PTCD2: variants seen among roughly 807,000 people sequenced by gnomAD.
The protein encoded by PTCD2 is pentatricopeptide repeat-containing protein 2, mitochondrial.
A neutral mutation model predicts 42.6 loss-of-function variants in PTCD2; 31 were observed. That is an observed-to-expected ratio of 0.73 (90% CI 0.55 to 0.98). The LOEUF (loss-of-function observed/expected upper bound fraction) is 0.98, where lower values mean the gene tolerates loss of function less well. PTCD2 is among the 50% of genes least tolerant of loss of function. PTCD2 has a pLI of 0.00. For synonymous variants in PTCD2, 183 were observed against 170.9 expected (o/e 1.07, Z -0.55); for missense variants, 476 against 454.8 (o/e 1.05, Z -0.42).
At chr5:72,343,372 C>A (rs1198146731) in intron 8 of PTCD2, among the ~76,000 whole-genome samples, 3 of 152,196 alleles carry the variant, frequency 2.0e-5, no homozygotes, top group Admixed American at 6.5e-5. Context: ...ACAGATCCTC[C>A]AGGCCCTTTA....
rs749645611 is a variant in PTCD2, at chr5:72,338,745, TGTG to T, written c.753+14_753+16del. The T allele has an allele frequency of 1.3e-6, 2 of 1,497,030 alleles. No homozygotes were observed. The highest frequency in any genetic ancestry group is 1.9e-6 in the Non-Finnish European group (2 of 1,078,530). 92.7% of individuals were successfully genotyped at this position (1,497,030 alleles called of 1,614,324 possible). ...ATTAGCTCTGAATCAGGTAAAGCCT[TGTG>T]GTGTACATAAGTAAATTGGGAGTGG... On this transcript the variant is annotated intron_variant, in intron 7 of 9. Transcript: ENST00000380639.
chr5:72,323,697 T>G (rs1214820368), intron 2 of PTCD2, among the ~76,000 whole-genome samples: 1 of 152,244 alleles, frequency 6.6e-6, no homozygotes, highest in East Asian at 1.9e-4. Flanking sequence ...TCACCTAGGC[T>G]GGAGTGCAGT....
In PTCD2 at chr5:72,363,084, T is replaced by C. The variant is rs1304735829; in HGVS notation, c.*4657T>C. ...GCTTCTCTGTTTCTTTGCAGTGAAC[T>C]AAAACTTCTTATGAACTCTGGTTAT... is the stretch of plus-strand genomic sequence containing the variant. On this transcript the variant is annotated 3_prime_UTR_variant, in exon 10 of 10. Transcript: ENST00000380639. 2.6e-5 allele frequency: 4 copies of C among 152,250 alleles called. No individual in the cohort carries two copies. Among genetic ancestry groups the C allele is most frequent in the African/African-American group, 9.6e-5 (4 of 41,466 alleles). 9.4% of individuals were successfully genotyped at this position (152,250 alleles called of 1,614,324 possible).
In PTCD2 at chr5:72,365,012, T is replaced by A. The variant is rs4568342; in HGVS notation, c.*6585T>A. 26,053 of 152,312 alleles carry A rather than the reference T, an allele frequency of 0.17. 2,466 individuals carry two copies. Among genetic ancestry groups the A allele is most frequent in the East Asian group, 0.34 (1,738 of 5,174 alleles). 9.4% of individuals were successfully genotyped at this position (152,312 alleles called of 1,614,324 possible). On this transcript the variant is annotated 3_prime_UTR_variant, in exon 10 of 10. Coordinates refer to ENST00000380639, the MANE Select transcript of PTCD2 (RefSeq NM_024754.5). ...CCCCGCTTGGCCTGCCTTGCCCAGC[T>A]GACTTTCTTCCAAGGGCCTCAGAGG... is the stretch of plus-strand genomic sequence containing the variant.
intron 9 of PTCD2, among the ~76,000 whole-genome samples, chr5:72,355,035 T>C (rs988587635): frequency 1.3e-5 from 2 of 152,260 alleles, no homozygotes; most frequent in African/African-American, 4.8e-5. Context: ...TTTTTATATA[T>C]TTATGTTTTT....
At chr5:72,347,100 G>A (rs934339715) in intron 8 of PTCD2, among the ~76,000 whole-genome samples, 6 of 152,130 alleles carry the variant, frequency 3.9e-5, no homozygotes, top group Admixed American at 2.6e-4. Flanking sequence ...GAAGATTCAA[G>A]GGTAAGTAAA....
intron 8 of PTCD2, among the ~76,000 whole-genome samples, chr5:72,352,102 C>T (rs975997210): frequency 1.3e-5 from 2 of 152,138 alleles, no homozygotes; most frequent in African/African-American, 4.8e-5. Context: ...ACACCAAAAT[C>T]TCTGCCCTCT....
intron 8 of PTCD2, among the ~76,000 whole-genome samples, chr5:72,347,720 A>AT (rs1330824124): frequency 2.2e-4 from 33 of 147,186 alleles, no homozygotes; most frequent in African/African-American, 3.0e-4. Flanking sequence ...TAATGATTTG[A>AT]TTTTTTTTTT....
intron 3 of PTCD2, 40 bp downstream of exon 3, chr5:72,326,781 C>T: frequency 6.2e-7 from 1 of 1,600,468 alleles, no homozygotes; most frequent in Non-Finnish European, 8.5e-7. Flanking sequence ...CTTATCCCTT[C>T]TTACTCTGTT....
In PTCD2 at chr5:72,332,985, G is replaced by C. The variant is rs185294645; in HGVS notation, c.468+1610G>C. On this transcript the variant is annotated intron_variant, in intron 4 of 9. Coordinates refer to ENST00000380639, the MANE Select transcript of PTCD2 (RefSeq NM_024754.5). ...GGGTTAAATAATTTAGTCTATTTCTGTTTACTTTTTTAAATGAGGCTAATT... is the reference window on the plus strand; with the variant it reads ...GGGTTAAATAATTTAGTCTATTTCTCTTTACTTTTTTAAATGAGGCTAATT... Among the ~76,000 whole-genome samples, 5 of 152,248 alleles carry C rather than the reference G, an allele frequency of 3.3e-5. No homozygotes were observed. In the East Asian group the frequency reaches 5.8e-4, roughly 18 times the overall value.
chr5:72,353,771 G>A (rs1228556888), intron 9 of PTCD2, among the ~76,000 whole-genome samples: 3 of 152,094 alleles, frequency 2.0e-5, no homozygotes, highest in Non-Finnish European at 4.4e-5. Flanking sequence ...CTAGTAAGAA[G>A]TAGTACTAGG....
At chr5:72,320,962 C>A (rs556710056) in intron 1 of PTCD2, 1 of 160,824 alleles carries the variant, frequency 6.2e-6, no homozygotes, top group East Asian at 1.9e-4. Context: ...TGCGCCACCA[C>A]GCCCGGGTAA....
intron 3 of PTCD2, among the ~76,000 whole-genome samples, chr5:72,328,271 G>C (rs1034661820): frequency 6.6e-6 from 1 of 152,236 alleles, no homozygotes; most frequent in South Asian, 2.1e-4. Flanking sequence ...TAGCTGGGCT[G>C]TACTACATGG....
Position 72,364,853 on chromosome 5 carries a change from T to G in PTCD2, c.*6426T>G, listed in dbSNP as rs2112259787. ...TCCGTGGGCGTTTCCCCCCAGACAT[T>G]CGAAGCACACAGCTAATCTGAGAAA... On this transcript the variant is annotated 3_prime_UTR_variant, in exon 10 of 10. Transcript: ENST00000380639. 6.6e-6 allele frequency: 1 copy of G among 152,246 alleles called. No individual in the cohort carries two copies. Among genetic ancestry groups the G allele is most frequent in the African/African-American group, 2.4e-5 (1 of 41,516 alleles). The allele number at this position is 152,246 out of a possible 1,614,324, so 9.4% of individuals were successfully genotyped here. A position where few individuals can be genotyped will look rare whatever the true frequency, so the allele number is the denominator to read the frequency against.
At chr5:72,320,579 C>A in intron 1 of PTCD2, 70 bp downstream of exon 1, 1 of 1,596,764 alleles carries the variant, frequency 6.3e-7, no homozygotes, top group Non-Finnish European at 8.5e-7. Flanking sequence ...TCCCAGCTAG[C>A]ATCTCTGTGG....
intron 4 of PTCD2, among the ~76,000 whole-genome samples, chr5:72,334,079 G>A (rs1011602525): frequency 1.3e-5 from 2 of 151,994 alleles, no homozygotes; most frequent in Non-Finnish European, 2.9e-5. Context: ...GTATTGCCCA[G>A]GCTGGTCCTG....
At chr5:72,328,666 T>A (rs1751269881) in intron 3 of PTCD2, among the ~76,000 whole-genome samples, 1 of 152,220 alleles carries the variant, frequency 6.6e-6, no homozygotes, top group African/African-American at 2.4e-5. Context: ...TGGTAGATTT[T>A]GCTTTACATT....
chr5:72,337,562 G>A (rs1174279319), intron 6 of PTCD2, among the ~76,000 whole-genome samples: 1 of 152,100 alleles, frequency 6.6e-6, no homozygotes, highest in Non-Finnish European at 1.5e-5. Flanking sequence ...TTGGGAGGCC[G>A]AGGCAGGCAG....
At chr5:72,336,181 C>CT (rs1222923518) in intron 6 of PTCD2, among the ~76,000 whole-genome samples, 8 of 152,188 alleles carry the variant, frequency 5.3e-5, no homozygotes, top group African/African-American at 1.7e-4. Context: ...ATGCTGGACT[C>CT]TGCTAGATCC....
Sources: gnomAD v4.1 joint callset for allele counts (sites outside exome capture counted in the v4.1 genomes callset) on GRCh38, gnomAD v4.1.1 for gene constraint, MANE v1.5 for transcripts, NCBI Gene and HGNC (gene_info 2026-07-23, HGNC 2026-07-21) for gene names.